CORO7: variants seen among roughly 807,000 people sequenced by gnomAD.
CORO7 encodes the protein coronin 7.
A neutral mutation model predicts 126.6 loss-of-function variants in CORO7; 107 were observed. That is an observed-to-expected ratio of 0.85 (90% CI 0.72 to 0.99). The LOEUF is 0.99. Ranked by LOEUF, CORO7 falls within the 50% of genes least tolerant of loss-of-function variation. The probability of loss-of-function intolerance (pLI) is 0.00; values close to 1 mark genes in which losing one functional copy is unlikely to be tolerated. For synonymous variants in CORO7, 603 were observed against 536.8 expected (o/e 1.12, Z -1.70); for missense variants, 1,314 against 1,255.8 (o/e 1.05, Z -0.70).
Position 4,364,351 on chromosome 16 carries a change from C to T in CORO7, c.1200G>A (p.Val400=), listed in dbSNP as rs750669743. 2 of 1,527,328 alleles carry T rather than the reference C, an allele frequency of 1.3e-6. No homozygotes were observed. Among genetic ancestry groups the T allele is most frequent in the African/African-American group, 2.8e-5 (2 of 72,084 alleles). The allele number at this position is 1,527,328 out of a possible 1,614,324, so 94.6% of individuals were successfully genotyped here. Reference sequence around the variant, plus strand: ...TGTCAGGGAGGGGCTCCGCAGGGGGCACCAGACAGGAAGTGAAGCTCGGGT... The same window carrying T: ...TGTCAGGGAGGGGCTCCGCAGGGGGTACCAGACAGGAAGTGAAGCTCGGGT... ...RPHPSFTSCL[V]PPAEPLPDTA... Residue 400 remains valine, a synonymous_variant, in exon 14 of 28, where the codon GTG becomes GTA. Coordinates refer to ENST00000251166, the MANE Select transcript of CORO7 (RefSeq NM_024535.5).
chr16:4,379,086 C>T (rs1406948912), intron 9 of CORO7, among the ~76,000 whole-genome samples: 3 of 152,006 alleles, frequency 2.0e-5, no homozygotes, highest in Admixed American at 1.3e-4. Context: ...CAGGAACCCA[C>T]GTACCTGGGG....
chr16:4,399,525 G>T (rs1212528762), intron 6 of CORO7, among the ~76,000 whole-genome samples: 1 of 152,164 alleles, frequency 6.6e-6, no homozygotes, highest in East Asian at 1.9e-4. Context: ...TGTTTAATGG[G>T]TATAGAGTTT....
chr16:4,414,096 G>C (rs1431209611), intron 1 of CORO7, among the ~76,000 whole-genome samples: 1 of 151,516 alleles, frequency 6.6e-6, no homozygotes, highest in Non-Finnish European at 1.5e-5. Context: ...GAGGCTGAGG[G>C]AGGAGAATCA....
intron 3 of CORO7, among the ~76,000 whole-genome samples, chr16:4,411,173 C>T (rs550986203): frequency 2.0e-4 from 30 of 152,236 alleles, no homozygotes; most frequent in Non-Finnish European, 3.4e-4. Flanking sequence ...GAGGATAGCT[C>T]GAGGCCAGGA....
At chr16:4,382,303 C>G (rs767308784) in intron 9 of CORO7, 9 of 1,610,394 alleles carry the variant, frequency 5.6e-6, no homozygotes, top group Admixed American at 1.7e-5. Context: ...CCCCACCTCC[C>G]TGCGCGTGGG....
At chr16:4,400,051 G>A (rs1223867691) in intron 6 of CORO7, among the ~76,000 whole-genome samples, 1 of 152,180 alleles carries the variant, frequency 6.6e-6, no homozygotes, top group African/African-American at 2.4e-5. Flanking sequence ...TGATCTGGGA[G>A]GAGGGCGGAA....
chr16:4,382,029 G>A (rs1334230636), intron 9 of CORO7: 5 of 1,596,842 alleles, frequency 3.1e-6, no homozygotes, highest in African/African-American at 1.3e-5. Context: ...GCCCCACAGA[G>A]CCGGCCACTG....
intron 9 of CORO7, among the ~76,000 whole-genome samples, chr16:4,386,790 G>T (rs574634613): frequency 1.3e-5 from 2 of 152,304 alleles, no homozygotes; most frequent in South Asian, 4.1e-4. Flanking sequence ...GTGGGAAAGG[G>T]CGTCACTGTC....
rs898070067 is a variant in CORO7 at position 4,367,633 on chromosome 16, G to A, written c.786-2088C>T. Among the ~76,000 whole-genome samples the A allele has an allele frequency of 3.3e-5, 5 of 152,256 alleles. No homozygotes were observed. In the South Asian group the frequency reaches 8.3e-4, roughly 25 times the overall value. ...CAGTGGGGGAAGGGGTGATCCCTGCGATCCCAAGGTCATGCAGAAATCAAA... is the reference window on the plus strand; with the variant it reads ...CAGTGGGGGAAGGGGTGATCCCTGCAATCCCAAGGTCATGCAGAAATCAAA... On this transcript the variant is annotated intron_variant, in intron 9 of 27. Coordinates refer to ENST00000251166, the MANE Select transcript of CORO7 (RefSeq NM_024535.5).
intron 3 of CORO7, among the ~76,000 whole-genome samples, chr16:4,411,382 G>A (rs1487248701): frequency 6.6e-6 from 1 of 151,914 alleles, no homozygotes; most frequent in African/African-American, 2.4e-5. Context: ...GACAGAGCAA[G>A]ACCCTGTCAC....
chr16:4,395,471 A>G (rs2055550541), intron 6 of CORO7, 132 bp from the exon 7 acceptor site: 3 of 1,143,460 alleles, frequency 2.6e-6, no homozygotes, highest in Non-Finnish European at 3.8e-6. Context: ...GCCATCACAC[A>G]CCAGGGCATC....
chr16:4,389,390 C>G (rs577777854), intron 7 of CORO7, among the ~76,000 whole-genome samples: 1 of 152,158 alleles, frequency 6.6e-6, no homozygotes, highest in Admixed American at 6.5e-5. Flanking sequence ...GTCACCCTGG[C>G]CCCTGGAGCC....
intron 9 of CORO7, among the ~76,000 whole-genome samples, chr16:4,366,048 G>T (rs2054336124): frequency 6.6e-6 from 1 of 152,208 alleles, no homozygotes; most frequent in Non-Finnish European, 1.5e-5. Context: ...CCTCTACTCA[G>T]TTACCCCACG....
chr16:4,355,203 G>T (rs192507626), intron 27 of CORO7, 40 bp from the exon 28 acceptor site: 2 of 1,578,692 alleles, frequency 1.3e-6, no homozygotes, highest in African/African-American at 2.7e-5. Context: ...AGTCAGGAGG[G>T]CCTGGGAAGG....
chr16:4,412,753 G>C lies in CORO7; in HGVS notation c.158-323C>G, dbSNP rs1415578505. 1.6e-5 allele frequency: 6 copies of C among 368,406 alleles called. No individual in the cohort carries two copies. In the South Asian group the frequency reaches 2.2e-4, roughly 14 times the overall value. 22.8% of individuals were successfully genotyped at this position (368,406 alleles called of 1,614,324 possible). A position where few individuals can be genotyped will look rare whatever the true frequency, so the allele number is the denominator to read the frequency against. On this transcript the variant is annotated intron_variant, in intron 2 of 27. Coordinates refer to ENST00000251166, the MANE Select transcript of CORO7 (RefSeq NM_024535.5). The stretch of plus-strand genomic sequence containing the variant: ...AGCCACTTTTCGCACTTTTACTTGA[G>C]AAAGAAGCCAACACCCAAGGTGGCA...
intron 9 of CORO7, chr16:4,387,770 G>A: frequency 1.7e-6 from 1 of 598,988 alleles, no homozygotes; most frequent in African/African-American, 1.9e-5. Context: ...CTGCTACCAG[G>A]GGCCAGAGGG....
intron 9 of CORO7, among the ~76,000 whole-genome samples, chr16:4,373,428 TGGGGCTG>T (rs1337157914): frequency 3.3e-5 from 5 of 152,098 alleles, no homozygotes; most frequent in Middle Eastern, 3.4e-3. Flanking sequence ...CAGATGGGGA[TGGGGCTG>T]GGGGCTGGGG....
chr16:4,358,969 G>T (rs2054070302), intron 23 of CORO7: 1 of 405,828 alleles, frequency 2.5e-6, no homozygotes, highest in Admixed American at 4.2e-5. Context: ...TAGAGATGGG[G>T]TCTTGCTATG....
At position 4,355,153 on chromosome 16, in the gene CORO7, G is replaced by A. The variant is rs755791450; in HGVS notation, c.*5C>T. 3 of 1,511,798 alleles carry A rather than the reference G, an allele frequency of 2.0e-6. No individual in the cohort carries two copies. Among genetic ancestry groups the A allele is most frequent in the South Asian group, 1.3e-5 (1 of 76,948 alleles). The allele number at this position is 1,511,798 out of a possible 1,614,324, so 93.6% of individuals were successfully genotyped here. ...CAGGTGAGGTGGAGGTGACGGGGGC[G>A]CAGGCTAGTCCTGGGGCGAAACACC... On this transcript the variant is annotated 3_prime_UTR_variant, in exon 28 of 28. Transcript: ENST00000251166.
Sources: allele counts gnomAD v4.1 joint callset (sites outside exome capture counted in the v4.1 genomes callset), GRCh38; gene constraint gnomAD v4.1.1; transcripts MANE v1.5; gene names NCBI Gene and HGNC (gene_info 2026-07-23, HGNC 2026-07-21).